CDCA4: variants seen among roughly 807,000 people sequenced by gnomAD.
CDCA4 encodes the protein cell division cycle-associated protein 4.
For synonymous variants in CDCA4, 130 were observed against 137.0 expected (o/e 0.95, Z 0.36); for missense variants, 294 against 322.1 (o/e 0.91, Z 0.67).
At chr14:105,018,550 T>C (rs980461779) in intron 1 of CDCA4, among the ~76,000 whole-genome samples, 6 of 152,016 alleles carry the variant, frequency 3.9e-5, no homozygotes, top group African/African-American at 1.2e-4. Context: ...TTGGGTTATA[T>C]CTGTGTTTGG....
At chr14:105,013,459 T>C (rs1900558275) in intron 1 of CDCA4, among the ~76,000 whole-genome samples, 1 of 152,276 alleles carries the variant, frequency 6.6e-6, no homozygotes, top group Admixed American at 6.5e-5. Flanking sequence ...ATTCAAGTTA[T>C]GCATAAATAG....
At position 105,011,275 on chromosome 14, in the gene CDCA4, C is replaced by G. The variant is rs1365169957; in HGVS notation, c.655G>C (p.Gly219Arg). Reference sequence around the variant, plus strand: ...TCGGACTTGCAGCTGGAGCTAGGGCCTGGGGTGGCCGGAGCCAAGCCCTCG... The same window carrying G: ...TCGGACTTGCAGCTGGAGCTAGGGCGTGGGGTGGCCGGAGCCAAGCCCTCG... ...GLEGLAPATP[G>R]PSSSCKSDLG... The change falls in exon 2 of 2, where the codon GGC (glycine) becomes CGC (arginine). Residue 219 changes from glycine (G) to arginine (R), a missense_variant. Coordinates refer to ENST00000336219, the MANE Select transcript of CDCA4 (RefSeq NM_017955.4). 1.2e-6 allele frequency: 2 copies of G among 1,613,736 alleles called. No homozygotes were observed. The highest frequency in any genetic ancestry group is 1.7e-6 in the Non-Finnish European group (2 of 1,179,960).
rs1166393834 is a variant in CDCA4, at chr14:105,011,613, C to A, written c.317G>T (p.Trp106Leu). The A allele has an allele frequency of 6.2e-7, 1 of 1,613,872 alleles. No homozygotes were observed. Among genetic ancestry groups the A allele is most frequent in the South Asian group, 1.1e-5 (1 of 91,072 alleles). The stretch of plus-strand genomic sequence containing the variant: ...AGCAGGATGTGCCCCCTCTTGCCCC[C>A]ACGCTGCACGGCACAGGATCTCCGT... ...VSTEILCRAA[W>L]GQEGAHPAPG... Residue 106 changes from tryptophan (W) to leucine (L), a missense_variant, in exon 2 of 2, where the codon TGG becomes TTG. Physicochemically the swap from Trp to Leu is moderately conservative, Grantham distance 61 (BLOSUM62 -2). Coordinates refer to ENST00000336219, the MANE Select transcript of CDCA4 (RefSeq NM_017955.4).
intron 1 of CDCA4, among the ~76,000 whole-genome samples, chr14:105,012,828 ACTCGAGAG>A (rs1204072031): frequency 6.6e-6 from 1 of 150,646 alleles, no homozygotes; most frequent in African/African-American, 2.5e-5. Flanking sequence ...AATGCCCTCC[ACTCGAGAG>A]CTCTGACCAG....
intron 1 of CDCA4, among the ~76,000 whole-genome samples, chr14:105,015,172 A>G (rs1900611529): frequency 1.3e-5 from 2 of 152,146 alleles, no homozygotes; most frequent in Admixed American, 1.3e-4. Flanking sequence ...CCAGGTCCTG[A>G]GTCCAAACCC....
chr14:105,020,659 C>T (rs936454949), intron 1 of CDCA4, among the ~76,000 whole-genome samples: 29 of 152,332 alleles, frequency 1.9e-4, no homozygotes, highest in Admixed American at 9.1e-4. Flanking sequence ...AACGCCGCTG[C>T]GTACCCCAGC....
Position 105,011,529 on chromosome 14 carries a change from G to A in CDCA4, c.401C>T (p.Ser134Leu). The change falls in exon 2 of 2, where the codon TCA becomes TTA. Residue 134 changes from serine (S) to leucine (L), a missense_variant. Transcript: ENST00000336219. ...GPVSDLCPVTSAQAPRHLQSS... is the reference protein window; with the variant it reads ...GPVSDLCPVTLAQAPRHLQSS... ...CTGCAGGTGCCTTGGTGCCTGTGCT[G>A]AGGTGACTGGGCAAAGGTCAGAAAC... 1 of 1,614,158 alleles carries A rather than the reference G, an allele frequency of 6.2e-7. No individual in the cohort carries two copies. The highest frequency in any genetic ancestry group is 8.5e-7 in the Non-Finnish European group (1 of 1,180,020).
intron 1 of CDCA4, 39 bp downstream of exon 1, chr14:105,020,960 C>G (rs1488633017): frequency 6.6e-6 from 1 of 152,120 alleles, no homozygotes; most frequent in African/African-American, 2.4e-5. Context: ...AAAGTGCACG[C>G]CGCCGTAGAC....
chr14:105,017,941 G>A (rs1345411551), intron 1 of CDCA4, among the ~76,000 whole-genome samples: 1 of 152,104 alleles, frequency 6.6e-6, no homozygotes, highest in South Asian at 2.1e-4. Flanking sequence ...AATGATTTAT[G>A]CAACACGGAT....
chr14:105,020,783 C>T lies in CDCA4; in HGVS notation c.-7+216G>A, dbSNP rs1027147499. On this transcript the variant is annotated intron_variant, in intron 1 of 1. Coordinates refer to ENST00000336219, the MANE Select transcript of CDCA4 (RefSeq NM_017955.4). ...GGCCCGGGCCCCTCTGTTCCCCGGG[C>T]CCCCTCAGCAGCGGCCACCCCGCGG... Among the ~76,000 whole-genome samples the T allele has an allele frequency of 3.3e-5, 5 of 152,010 alleles. No individual in the cohort carries two copies. In the East Asian group the frequency reaches 7.8e-4, roughly 24 times the overall value.
chr14:105,018,093 G>C (rs1202250603), intron 1 of CDCA4, among the ~76,000 whole-genome samples: 6 of 151,844 alleles, frequency 4.0e-5, no homozygotes, highest in Admixed American at 6.5e-5. Flanking sequence ...CCATCAGGGT[G>C]GGAAATGCTA....
chr14:105,017,884 C>T (rs780975688), intron 1 of CDCA4, among the ~76,000 whole-genome samples: 1 of 151,504 alleles, frequency 6.6e-6, no homozygotes, highest in Non-Finnish European at 1.5e-5. Flanking sequence ...TGAATGTATA[C>T]GATCTGGTGT....
rs574195182 is a variant in CDCA4, at chr14:105,018,721, C to G, written c.-7+2278G>C. ...ATACCATACCGGTGGGGCTGTGGAGCCTAGCTCCCTGCTCAATTTTTTTTT... is the reference window on the plus strand; with the variant it reads ...ATACCATACCGGTGGGGCTGTGGAGGCTAGCTCCCTGCTCAATTTTTTTTT... On this transcript the variant is annotated intron_variant, in intron 1 of 1. Transcript: ENST00000336219. Among the ~76,000 whole-genome samples, 20 of 148,556 alleles carry G rather than the reference C, an allele frequency of 1.3e-4. No homozygotes were observed. The South Asian group carries it at 4.2e-3, about 31-fold the overall frequency.
chr14:105,018,407 CAA>C (rs1458394633), intron 1 of CDCA4, among the ~76,000 whole-genome samples: 1 of 152,116 alleles, frequency 6.6e-6, no homozygotes, highest in Non-Finnish European at 1.5e-5. Context: ...ACTATTAATA[CAA>C]AAAAGAGTAA....
chr14:105,020,370 A>C (rs1351510656), intron 1 of CDCA4, among the ~76,000 whole-genome samples: 1 of 152,200 alleles, frequency 6.6e-6, no homozygotes, highest in African/African-American at 2.4e-5. Context: ...CTATTCCAGC[A>C]AGCTGTCGGA....
chr14:105,011,502 C>T lies in CDCA4; in HGVS notation c.428G>A (p.Ser143Asn). 1 of 1,614,198 alleles carries T rather than the reference C, an allele frequency of 6.2e-7. No individual in the cohort carries two copies. Among genetic ancestry groups the T allele is most frequent in the Non-Finnish European group, 8.5e-7 (1 of 1,180,016 alleles). The change falls in exon 2 of 2, where the codon AGC becomes AAC. Residue 143 changes from serine to asparagine, a missense_variant. Transcript: ENST00000336219. The part of the protein sequence containing the change: ...TSAQAPRHLQ[S>N]SAWEMDGPRE... The stretch of plus-strand genomic sequence containing the variant: ...AGGGCCATCCATCTCCCAGGCGCTG[C>T]TCTGCAGGTGCCTTGGTGCCTGTGC...
In CDCA4 at chr14:105,011,332, C is replaced by G. The variant is rs1223424670; in HGVS notation, c.598G>C (p.Gly200Arg). ...DLDTVLTGMMGGARPGPCEGL... is the reference protein window; with the variant it reads ...DLDTVLTGMMRGARPGPCEGL... ...TCGCAGGGGCCCGGCCTGGCACCCC[C>G]CATCATGCCTGTCAGTACTGTGTCC... is the stretch of plus-strand genomic sequence containing the variant. The change falls in exon 2 of 2, where the codon GGG becomes CGG. Residue 200 changes from glycine to arginine, a missense_variant. Physicochemically the swap from Gly to Arg is moderately radical, Grantham distance 125 (BLOSUM62 -2). Coordinates refer to ENST00000336219, the MANE Select transcript of CDCA4 (RefSeq NM_017955.4). The G allele has an allele frequency of 6.2e-7, 1 of 1,614,080 alleles. No individual in the cohort carries two copies. The highest frequency in any genetic ancestry group is 1.3e-5 in the African/African-American group (1 of 74,948).
At chr14:105,012,005 G>A (rs563877475) in intron 1 of CDCA4, 70 bp from the exon 2 acceptor site, 554 of 1,518,676 alleles carry the variant, frequency 3.6e-4, no homozygotes, top group Middle Eastern at 8.7e-4. Flanking sequence ...CTTGGATTTC[G>A]TCTGACTGCC....
At position 105,009,891 on chromosome 14, in the gene CDCA4, T is replaced by C. The variant is rs777599020; in HGVS notation, c.*1313A>G. ...CAGCAGAACTGATCCTGCAGAAAGGTTGCTGGAGGGTCAGGCCGTGGTCGT... is the reference window on the plus strand; with the variant it reads ...CAGCAGAACTGATCCTGCAGAAAGGCTGCTGGAGGGTCAGGCCGTGGTCGT... On this transcript the variant is annotated 3_prime_UTR_variant, in exon 2 of 2. Coordinates refer to ENST00000336219, the MANE Select transcript of CDCA4 (RefSeq NM_017955.4). The C allele has an allele frequency of 1.6e-4, 25 of 152,192 alleles. No homozygotes were observed. Among genetic ancestry groups the C allele is most frequent in the Non-Finnish European group, 2.9e-4 (20 of 68,026 alleles). 9.4% of individuals were successfully genotyped at this position (152,192 alleles called of 1,614,324 possible).
Sources: gnomAD v4.1 joint callset for allele counts (sites outside exome capture counted in the v4.1 genomes callset) on GRCh38, gnomAD v4.1.1 for gene constraint, MANE v1.5 for transcripts, NCBI Gene and HGNC (gene_info 2026-07-23, HGNC 2026-07-21) for gene names.